Variants in EHBP1 observed in about 807,000 individuals in gnomAD.
The protein encoded by EHBP1 is EH domain-binding protein 1.
A neutral mutation model predicts 144.0 loss-of-function variants in EHBP1; 55 were observed. That is an observed-to-expected ratio of 0.38 (90% CI 0.31 to 0.48). The LOEUF is 0.48. Among genes scored for constraint, EHBP1 ranks in the 20% least tolerant of loss-of-function variants. EHBP1 has a pLI of 0.98. For synonymous variants in EHBP1, 469 were observed against 472.7 expected (o/e 0.99, Z 0.10); for missense variants, 1,200 against 1,364.2 (o/e 0.88, Z 1.90).
At chr2:62,686,763 CTTATT>C (rs1378532733) in intron 1 of EHBP1, among the ~76,000 whole-genome samples, 1 of 152,188 alleles carries the variant, frequency 6.6e-6, no homozygotes, top group Non-Finnish European at 1.5e-5. Flanking sequence ...TTTGGAATCT[CTTATT>C]TTAAACACAT....
At chr2:62,716,743 G>A (rs1289423955) in intron 2 of EHBP1, among the ~76,000 whole-genome samples, 3 of 152,192 alleles carry the variant, frequency 2.0e-5, no homozygotes, top group African/African-American at 7.2e-5. Flanking sequence ...GTGAGAGGAA[G>A]CAATCTGGAA....
At chr2:62,846,253 C>T (rs973963676) in intron 7 of EHBP1, among the ~76,000 whole-genome samples, 5 of 152,028 alleles carry the variant, frequency 3.3e-5, no homozygotes, top group Admixed American at 6.6e-5. Context: ...TGGATGGGAA[C>T]GAGGGCTCTA....
At chr2:62,686,309 G>A (rs1016312827) in intron 1 of EHBP1, among the ~76,000 whole-genome samples, 1 of 152,154 alleles carries the variant, frequency 6.6e-6, no homozygotes. Flanking sequence ...CTACTCTTTA[G>A]GACAGAAGCA....
chr2:62,765,262 C>T (rs1192794237), intron 4 of EHBP1, among the ~76,000 whole-genome samples: 1 of 151,850 alleles, frequency 6.6e-6, no homozygotes, highest in East Asian at 1.9e-4. Context: ...CTGACTTGGC[C>T]CTATAAGATG....
At chr2:62,799,836 A>G (rs1272332335) in intron 5 of EHBP1, among the ~76,000 whole-genome samples, 1 of 152,232 alleles carries the variant, frequency 6.6e-6, no homozygotes, top group Non-Finnish European at 1.5e-5. Context: ...GTGGTGTTTT[A>G]TCTATATCCT....
intron 7 of EHBP1, among the ~76,000 whole-genome samples, chr2:62,831,441 T>C (rs1289175949): frequency 6.6e-6 from 1 of 152,200 alleles, no homozygotes; most frequent in Non-Finnish European, 1.5e-5. Context: ...ATTTTGTCAA[T>C]GTGTGAATGA....
At chr2:62,850,933 A>G in intron 7 of EHBP1, among the ~76,000 whole-genome samples, 1 of 152,194 alleles carries the variant, frequency 6.6e-6, no homozygotes, top group Non-Finnish European at 1.5e-5. Flanking sequence ...CAATTGAAGT[A>G]TTTGCATGGG....
intron 10 of EHBP1, among the ~76,000 whole-genome samples, chr2:62,900,281 C>G (rs552921177): frequency 4.6e-5 from 7 of 152,020 alleles, no homozygotes; most frequent in Admixed American, 1.3e-4. Flanking sequence ...AAATGATGTT[C>G]ACAGGCTTTT....
chr2:63,014,007 T>G (rs2060381197), intron 19 of EHBP1, among the ~76,000 whole-genome samples: 1 of 152,208 alleles, frequency 6.6e-6, no homozygotes, highest in African/African-American at 2.4e-5. Flanking sequence ...GTTTAGTGGT[T>G]TTTTAATAGC....
At chr2:62,676,950 C>T (rs1246005037) in intron 1 of EHBP1, among the ~76,000 whole-genome samples, 2 of 152,142 alleles carry the variant, frequency 1.3e-5, no homozygotes. Flanking sequence ...AAGGCAGGAG[C>T]CCAGGAGTTC....
At chr2:62,699,571 T>C (rs1267995308) in intron 1 of EHBP1, among the ~76,000 whole-genome samples, 1 of 152,148 alleles carries the variant, frequency 6.6e-6, no homozygotes, top group Non-Finnish European at 1.5e-5. Context: ...AAGGCTTAGA[T>C]TGAGAGGATG....
chr2:62,942,718 C>T lies in EHBP1; in HGVS notation c.1186C>T (p.Pro396Ser). ...TTTTCCCCTTTTCATTTTTTTCTAG[C>T]CAAGCCCTATACCAAGTCCTGTTTT... ...AGKDLSTSPK[P>S]SPIPSPVLGR... The change falls in exon 11 of 23, where the codon CCA becomes TCA. Residue 396 changes from proline (P) to serine (S), a missense_variant and splice_region_variant. Coordinates refer to ENST00000431489, the MANE Select transcript of EHBP1 (RefSeq NM_001142616.3). 2 of 1,566,732 alleles carry T rather than the reference C, an allele frequency of 1.3e-6. No homozygotes were observed. The highest frequency in any genetic ancestry group is 1.7e-4 in the Middle Eastern group (1 of 5,832).
intron 19 of EHBP1, among the ~76,000 whole-genome samples, chr2:63,010,885 C>T (rs1347985967): frequency 6.6e-6 from 1 of 151,624 alleles, no homozygotes; most frequent in Non-Finnish European, 1.5e-5. Flanking sequence ...TACACAACCC[C>T]AATTTAGCTT....
rs559823067 is a variant in EHBP1, at chr2:62,830,741, C to T, written c.495-278C>T. 5.3e-5 allele frequency among the ~76,000 whole-genome samples: 8 copies of T among 152,188 alleles called. No individual in the cohort carries two copies. The East Asian group carries it at 1.5e-3, about 29-fold the overall frequency. ...AAGCCAATGTCTAGAAGATTTTTTC[C>T]AGTGTTATCTTCTAGAATTTTTATG... On this transcript the variant is annotated intron_variant, in intron 6 of 22. Coordinates refer to ENST00000431489, the MANE Select transcript of EHBP1 (RefSeq NM_001142616.3).
intron 19 of EHBP1, among the ~76,000 whole-genome samples, chr2:63,000,893 T>A (rs2059823317): frequency 6.6e-6 from 1 of 152,170 alleles, no homozygotes; most frequent in Non-Finnish European, 1.5e-5. Context: ...ACTTTAACTT[T>A]GTAATGATTT....
At chr2:62,970,462 G>A (rs900279755) in intron 14 of EHBP1, among the ~76,000 whole-genome samples, 1 of 151,974 alleles carries the variant, frequency 6.6e-6, no homozygotes, top group Non-Finnish European at 1.5e-5. Flanking sequence ...CGAAGAGTAT[G>A]GATACAAACT....
intron 10 of EHBP1, among the ~76,000 whole-genome samples, chr2:62,926,478 C>A (rs1367448736): frequency 6.6e-6 from 1 of 151,946 alleles, no homozygotes; most frequent in African/African-American, 2.4e-5. Context: ...ACTGAAACAT[C>A]CCAATAGCCA....
At chr2:63,002,245 T>G (rs2059879281) in intron 19 of EHBP1, among the ~76,000 whole-genome samples, 1 of 152,144 alleles carries the variant, frequency 6.6e-6, no homozygotes, top group African/African-American at 2.4e-5. Context: ...TTTTTTGAGT[T>G]ATGTTAAAAA....
chr2:63,009,857 A>G (rs762011734), intron 19 of EHBP1, among the ~76,000 whole-genome samples: 2 of 151,560 alleles, frequency 1.3e-5, no homozygotes, highest in Admixed American at 6.6e-5. Flanking sequence ...ATACATACCT[A>G]TGATAAAGTT....
Sources: gnomAD v4.1 joint callset for allele counts (sites outside exome capture counted in the v4.1 genomes callset) on GRCh38, gnomAD v4.1.1 for gene constraint, MANE v1.5 for transcripts, NCBI Gene and HGNC (gene_info 2026-07-23, HGNC 2026-07-21) for gene names.